CSMD1: variants seen among roughly 807,000 people sequenced by gnomAD.
CSMD1 encodes the protein CUB and Sushi multiple domains 1, also known as CUB and sushi domain-containing protein 1.
In CSMD1, 213 loss-of-function variants were observed where a neutral mutation model predicts 417.5. The observed-to-expected ratio is 0.51, with a 90% CI of 0.46 to 0.57. CSMD1 has a LOEUF of 0.57. Ranked by LOEUF, CSMD1 falls within the 20% of genes least tolerant of loss-of-function variation. The pLI is 0.00. For synonymous variants in CSMD1, 2,862 were observed against 1,736.8 expected (o/e 1.65, Z -16.11); for missense variants, 6,923 against 4,529.7 (o/e 1.53, Z -15.17).
intron 31 of CSMD1, among the ~76,000 whole-genome samples, chr8:3,202,767 T>G (rs1043321491): frequency 6.6e-6 from 1 of 152,240 alleles, no homozygotes; most frequent in East Asian, 1.9e-4. Context: ...TGTGCCCATG[T>G]GTGTATAGAC....
At chr8:3,437,046 T>C (rs897377118) in intron 12 of CSMD1, among the ~76,000 whole-genome samples, 8 of 152,216 alleles carry the variant, frequency 5.3e-5, no homozygotes, top group African/African-American at 1.9e-4. Context: ...TGGAGCTTAA[T>C]TCTTATCTCT....
At chr8:4,351,418 G>T (rs35485389) in intron 3 of CSMD1, among the ~76,000 whole-genome samples, 1 of 152,084 alleles carries the variant, frequency 6.6e-6, no homozygotes, top group Non-Finnish European at 1.5e-5. Context: ...GTTATACCAA[G>T]TAAGGTAAGA....
chr8:4,901,676 T>A (rs1458312838), intron 1 of CSMD1, among the ~76,000 whole-genome samples: 1 of 152,146 alleles, frequency 6.6e-6, no homozygotes, highest in Non-Finnish European at 1.5e-5. Context: ...CTTTAAAAAA[T>A]CCAACTGGCA....
At chr8:3,531,373 T>C (rs554143651) in intron 10 of CSMD1, among the ~76,000 whole-genome samples, 4 of 152,306 alleles carry the variant, frequency 2.6e-5, no homozygotes, top group Admixed American at 6.5e-5. Flanking sequence ...TTTGCTCAGA[T>C]GTGTTTTCAT....
chr8:3,926,103 ACACACACACACAC>A (rs1563218298), intron 5 of CSMD1, among the ~76,000 whole-genome samples: 16 of 86,578 alleles, frequency 1.8e-4, no homozygotes, highest in African/African-American at 6.0e-4. Flanking sequence ...ACACACACAC[ACACACACACACAC>A]ACACACACAC....
intron 8 of CSMD1, among the ~76,000 whole-genome samples, chr8:3,589,883 A>G (rs1294968155): frequency 6.6e-6 from 1 of 152,142 alleles, no homozygotes; most frequent in Non-Finnish European, 1.5e-5. Flanking sequence ...TCTCAATTTT[A>G]GAAAAGAAAA....
At chr8:3,946,248 T>C (rs1008148006) in intron 5 of CSMD1, among the ~76,000 whole-genome samples, 1 of 152,198 alleles carries the variant, frequency 6.6e-6, no homozygotes, top group African/African-American at 2.4e-5. Context: ...ATCTTGATAT[T>C]GTAATTTCCA....
At chr8:4,966,012 T>C (rs1809832759) in intron 1 of CSMD1, among the ~76,000 whole-genome samples, 1 of 152,070 alleles carries the variant, frequency 6.6e-6, no homozygotes, top group Admixed American at 6.6e-5. Flanking sequence ...GACTGAAGGA[T>C]ACTTTATGAT....
At chr8:3,537,918 G>C (rs1236126122) in intron 10 of CSMD1, among the ~76,000 whole-genome samples, 1 of 152,140 alleles carries the variant, frequency 6.6e-6, no homozygotes, top group East Asian at 1.9e-4. Context: ...CTTGGATAGA[G>C]AATAATGAGT....
At position 3,441,477 on chromosome 8, in the gene CSMD1, T is replaced by C. The variant is rs562488404; in HGVS notation, c.1561+27235A>G. On this transcript the variant is annotated intron_variant, in intron 12 of 69. Transcript: ENST00000635120. ...CTACAAGGAAAACACTTCATTTGCTTATGGCATATAATTTCATATATATAT... is the reference window on the plus strand; with the variant it reads ...CTACAAGGAAAACACTTCATTTGCTCATGGCATATAATTTCATATATATAT... Among the ~76,000 whole-genome samples the C allele has an allele frequency of 5.7e-5, 8 of 141,514 alleles. No individual in the cohort carries two copies. In the South Asian group the frequency reaches 6.9e-4, roughly 12 times the overall value. 92.8% of individuals were successfully genotyped at this position (141,514 alleles called of 152,430 possible).
At chr8:4,149,912 C>A (rs527770053) in intron 3 of CSMD1, among the ~76,000 whole-genome samples, 1 of 152,172 alleles carries the variant, frequency 6.6e-6, no homozygotes, top group Non-Finnish European at 1.5e-5. Flanking sequence ...TAATCTACCT[C>A]TTGGTGTTTT....
At chr8:3,737,997 G>A (rs1669795272) in intron 6 of CSMD1, among the ~76,000 whole-genome samples, 1 of 152,166 alleles carries the variant, frequency 6.6e-6, no homozygotes, top group Non-Finnish European at 1.5e-5. Context: ...AGAATGCAGT[G>A]ACAAACTAAT....
intron 1 of CSMD1, among the ~76,000 whole-genome samples, chr8:4,694,645 G>C (rs1333632437): frequency 6.6e-6 from 1 of 151,930 alleles, no homozygotes; most frequent in Non-Finnish European, 1.5e-5. Flanking sequence ...TTACAGCCGT[G>C]AGTCACCGCG....
intron 40 of CSMD1, 121 bp downstream of exon 40, chr8:3,151,276 C>T (rs545216668): frequency 1.2e-4 from 76 of 638,436 alleles, no homozygotes; most frequent in African/African-American, 2.0e-4. Context: ...TAAATCTGTA[C>T]GCCACTTTCA....
chr8:4,541,565 T>C (rs1022868703), intron 2 of CSMD1, among the ~76,000 whole-genome samples: 11 of 151,880 alleles, frequency 7.2e-5, no homozygotes, highest in Non-Finnish European at 1.5e-4. Context: ...CTGGCCACCA[T>C]GGTAAAACCC....
At position 4,316,728 on chromosome 8, in the gene CSMD1, C is replaced by A. The variant is rs770599002; in HGVS notation, c.415+103225G>T. ...TTTCAAAATAATGGGATTTTCAGAA[C>A]GATAGTTAAATAAGAAAGTGGTCGA... On this transcript the variant is annotated intron_variant, in intron 3 of 69. Coordinates refer to ENST00000635120, the MANE Select transcript of CSMD1 (RefSeq NM_033225.6). Among the ~76,000 whole-genome samples, 4 of 151,972 alleles carry A rather than the reference C, an allele frequency of 2.6e-5. No individual in the cohort carries two copies. The South Asian group carries it at 6.2e-4, about 24-fold the overall frequency.
intron 1 of CSMD1, among the ~76,000 whole-genome samples, chr8:4,837,197 A>G (rs1380291909): frequency 1.3e-5 from 2 of 152,210 alleles, no homozygotes; most frequent in Non-Finnish European, 2.9e-5. Flanking sequence ...AAAGGAAACC[A>G]TTACATACTA....
chr8:4,611,030 T>C (rs891962179), intron 2 of CSMD1, among the ~76,000 whole-genome samples: 1 of 152,054 alleles, frequency 6.6e-6, no homozygotes, highest in African/African-American at 2.4e-5. Flanking sequence ...TAACTACCAT[T>C]TTTTTTTCTT....
At chr8:4,364,951 G>A (rs531169513) in intron 3 of CSMD1, among the ~76,000 whole-genome samples, 7 of 150,650 alleles carry the variant, frequency 4.6e-5, no homozygotes, top group Admixed American at 4.0e-4. Flanking sequence ...CGACAAAAAC[G>A]TGCAAGGGAT....
Sources: allele counts gnomAD v4.1 joint callset (sites outside exome capture counted in the v4.1 genomes callset), GRCh38; gene constraint gnomAD v4.1.1; transcripts MANE v1.5; gene names NCBI Gene and HGNC (gene_info 2026-07-23, HGNC 2026-07-21).